Variants in MPHOSPH6 observed in about 807,000 individuals in gnomAD.
MPHOSPH6 encodes M-phase phosphoprotein 6.
In MPHOSPH6, 25 loss-of-function variants were observed where a neutral mutation model predicts 21.8. The observed-to-expected ratio is 1.15, with a 90% confidence interval of 0.83 to 1.60. MPHOSPH6 has a LOEUF of 1.60. MPHOSPH6 is among the 40% of genes most tolerant of loss of function. The pLI is 0.00. For missense variants in MPHOSPH6, 269 were observed against 181.8 expected, an observed-to-expected ratio of 1.48 and a Z score of -2.76; for synonymous variants, 84 against 56.5, an observed-to-expected ratio of 1.49 and a Z score of -2.18.
intron 2 of MPHOSPH6, chr16:82,163,872 A>AGTGTGAT: frequency 2.1e-6 from 1 of 471,984 alleles, no homozygotes; most frequent in Non-Finnish European, 3.7e-6. Context: ...AAAAAAGGAC[A>AGTGTGAT]AAATAGTGGC....
chr16:82,163,403 C>T (rs1399894594), intron 2 of MPHOSPH6, among the ~76,000 whole-genome samples: 1 of 152,168 alleles, frequency 6.6e-6, no homozygotes, highest in Non-Finnish European at 1.5e-5. Context: ...AATTGTTGAT[C>T]AGGCACCAGC....
chr16:82,169,196 C>T (rs561568956), intron 1 of MPHOSPH6, among the ~76,000 whole-genome samples: 1 of 152,346 alleles, frequency 6.6e-6, no homozygotes, highest in South Asian at 2.1e-4. Flanking sequence ...TATCTTTAAT[C>T]TGGCCTCAAA....
At chr16:82,163,801 C>A in intron 2 of MPHOSPH6, 1 of 287,474 alleles carries the variant, frequency 3.5e-6, no homozygotes, top group Non-Finnish European at 6.4e-6. Flanking sequence ...AACATTACAG[C>A]TTCCCCAAAG....
intron 2 of MPHOSPH6, among the ~76,000 whole-genome samples, chr16:82,154,450 G>A (rs952835459): frequency 1.3e-5 from 2 of 152,010 alleles, no homozygotes; most frequent in Non-Finnish European, 2.9e-5. Context: ...GACATGCAAG[G>A]AAGCAAGAAA....
At chr16:82,167,948 A>T (rs1013327668) in intron 1 of MPHOSPH6, among the ~76,000 whole-genome samples, 1 of 152,198 alleles carries the variant, frequency 6.6e-6, no homozygotes, top group African/African-American at 2.4e-5. Flanking sequence ...CAGCTACTCC[A>T]TGCCTTCTCA....
At chr16:82,165,606 T>A (rs921698594) in intron 1 of MPHOSPH6, among the ~76,000 whole-genome samples, 1 of 152,232 alleles carries the variant, frequency 6.6e-6, no homozygotes, top group African/African-American at 2.4e-5. Context: ...AGTGGTCCCA[T>A]AAGATTACAA....
intron 1 of MPHOSPH6, among the ~76,000 whole-genome samples, 188 bp from the exon 2 acceptor site, chr16:82,164,382 C>G (rs6564995): frequency 0.13 from 19,033 of 152,198 alleles, 2,809 homozygotes; most frequent in African/African-American, 0.36. Flanking sequence ...ACGATGAGGG[C>G]TTGTGTCAGG....
intron 2 of MPHOSPH6, among the ~76,000 whole-genome samples, chr16:82,159,915 G>C (rs8047058): frequency 0.011 from 1,699 of 152,138 alleles, 34 homozygotes; most frequent in African/African-American, 0.039. Context: ...CCTCTCAATT[G>C]CCCAATCTTA....
chr16:82,170,005 A>C, intron 1 of MPHOSPH6, 120 bp downstream of exon 1: 2 of 1,118,772 alleles, frequency 1.8e-6, no homozygotes, highest in Non-Finnish European at 1.2e-6. Context: ...TGAGCACGAG[A>C]GCTGGAAGCC....
intron 2 of MPHOSPH6, among the ~76,000 whole-genome samples, chr16:82,160,157 T>C (rs993602065): frequency 1.3e-5 from 2 of 152,216 alleles, no homozygotes; most frequent in African/African-American, 2.4e-5. Flanking sequence ...CACAGGTGTT[T>C]TGTATCTACA....
At chr16:82,166,060 G>A (rs1243910469) in intron 1 of MPHOSPH6, among the ~76,000 whole-genome samples, 1 of 152,160 alleles carries the variant, frequency 6.6e-6, no homozygotes, top group Non-Finnish European at 1.5e-5. Flanking sequence ...CGCAAAATGA[G>A]TGCGTGTAAA....
intron 2 of MPHOSPH6, among the ~76,000 whole-genome samples, chr16:82,161,945 A>C (rs1418726933): frequency 2.0e-5 from 3 of 152,226 alleles, no homozygotes; most frequent in African/African-American, 4.8e-5. Context: ...CAGAGCACAG[A>C]CACATGCAAT....
intron 3 of MPHOSPH6, among the ~76,000 whole-genome samples, chr16:82,149,826 T>A (rs1225400532): frequency 6.6e-6 from 1 of 152,066 alleles, no homozygotes; most frequent in Non-Finnish European, 1.5e-5. Flanking sequence ...CTCTTGGTGG[T>A]GGTGGTGGTG....
intron 3 of MPHOSPH6, among the ~76,000 whole-genome samples, chr16:82,150,921 G>A (rs939266614): frequency 2.0e-5 from 3 of 152,134 alleles, no homozygotes; most frequent in Non-Finnish European, 1.5e-5. Context: ...TCTCTATCCT[G>A]GAGCAGGAAA....
intron 1 of MPHOSPH6, among the ~76,000 whole-genome samples, chr16:82,169,013 G>C (rs760708981): frequency 6.6e-6 from 1 of 152,166 alleles, no homozygotes; most frequent in African/African-American, 2.4e-5. Context: ...AGTTGCCTTA[G>C]CTGTAAGAAG....
chr16:82,149,727 T>C (rs535128855), intron 3 of MPHOSPH6, among the ~76,000 whole-genome samples: 1 of 152,296 alleles, frequency 6.6e-6, no homozygotes, highest in African/African-American at 2.4e-5. Context: ...GAAGAAATAA[T>C]AAACTTTCAG....
chr16:82,169,636 A>G (rs1158212683), intron 1 of MPHOSPH6, among the ~76,000 whole-genome samples: 1 of 152,244 alleles, frequency 6.6e-6, no homozygotes, highest in African/African-American at 2.4e-5. Context: ...CTCTACTAAA[A>G]GAAGTATTAT....
intron 1 of MPHOSPH6, among the ~76,000 whole-genome samples, chr16:82,168,313 G>C (rs1906853528): frequency 6.6e-6 from 1 of 152,014 alleles, no homozygotes; most frequent in African/African-American, 2.4e-5. Context: ...ATCAAACTCT[G>C]TTCAGTAAAG....
At position 82,170,137 on chromosome 16, in the gene MPHOSPH6, TAG is replaced by T; in HGVS notation, c.37_38del (p.Leu13ThrfsTer27). On this transcript the variant is annotated frameshift_variant, in exon 1 of 5. Coordinates refer to ENST00000258169, the MANE Select transcript of MPHOSPH6 (RefSeq NM_005792.2). LOFTEE classifies it high-confidence loss of function. The stretch of plus-strand genomic sequence containing the variant: ...AGCGTCCCCGCACCTTCATGCGCAG[TAG>T]ATTCTTGGACAACCTTGTCTTTCGC... ...AERKTRLSKN[L>X]LRMKFMQRGL... 4.4e-6 allele frequency: 7 copies of T among 1,590,060 alleles called. No homozygotes were observed. The highest frequency in any genetic ancestry group is 6.0e-6 in the Non-Finnish European group (7 of 1,167,964).
Sources: allele counts gnomAD v4.1 joint callset (sites outside exome capture counted in the v4.1 genomes callset), GRCh38; gene constraint gnomAD v4.1.1; transcripts MANE v1.5; gene names NCBI Gene and HGNC (gene_info 2026-07-23, HGNC 2026-07-21).